Variants in CPEB3 observed in about 807,000 individuals in gnomAD.
CPEB3 encodes the protein cytoplasmic polyadenylation element-binding protein 3.
A neutral mutation model predicts 67.2 loss-of-function variants in CPEB3; 20 were observed. The observed-to-expected ratio is 0.30, with a 90% CI of 0.21 to 0.43. CPEB3 has a LOEUF of 0.43. CPEB3 is among the 20% of genes least tolerant of loss of function. CPEB3 has a pLI of 1.00. For synonymous variants in CPEB3, 376 were observed against 393.1 expected (o/e 0.96, Z 0.51); for missense variants, 746 against 968.6 (o/e 0.77, Z 3.05).
At chr10:92,253,317 A>T (rs1478734836) in intron 1 of CPEB3, among the ~76,000 whole-genome samples, 1 of 151,836 alleles carries the variant, frequency 6.6e-6, no homozygotes, top group Non-Finnish European at 1.5e-5. Context: ...AAAATTAGCC[A>T]GGTGTGGTGG....
chr10:92,130,906 C>A (rs1457494873), intron 6 of CPEB3, among the ~76,000 whole-genome samples: 1 of 152,092 alleles, frequency 6.6e-6, no homozygotes. Context: ...ACAAACTTTA[C>A]CTAATGGCCA....
At position 92,052,076 on chromosome 10, in the gene CPEB3, T is replaced by A. The variant is rs1220028593; in HGVS notation, c.*136A>T. The A allele has an allele frequency of 1.7e-6, 1 of 603,950 alleles. No individual in the cohort carries two copies. Among genetic ancestry groups the A allele is most frequent in the Non-Finnish European group, 2.9e-6 (1 of 339,388 alleles). 37.4% of individuals were successfully genotyped at this position (603,950 alleles called of 1,614,324 possible). The stretch of plus-strand genomic sequence containing the variant: ...TGACTGTAAATAATAATAATAATAA[T>A]AAAAAGACCCAATTCTTCTTTAAAA... On this transcript the variant is annotated 3_prime_UTR_variant, in exon 10 of 10. Coordinates refer to ENST00000265997, the MANE Select transcript of CPEB3 (RefSeq NM_014912.5).
At chr10:92,231,823 G>A (rs910566957) in intron 2 of CPEB3, among the ~76,000 whole-genome samples, 10 of 151,586 alleles carry the variant, frequency 6.6e-5, no homozygotes, top group Admixed American at 5.9e-4. Flanking sequence ...GGGTTCAAGT[G>A]ATTCTCCTGC....
In CPEB3 at chr10:92,047,457, A is replaced by AT. The variant is rs1463487342; in HGVS notation, c.*4754dup. 1.4e-4 allele frequency: 22 copies of AT among 152,354 alleles called. 1 individual carries two copies. The highest frequency in any genetic ancestry group is 1.4e-3 in the Admixed American group (22 of 15,302). 9.4% of individuals were successfully genotyped at this position (152,354 alleles called of 1,614,324 possible). A position where few individuals can be genotyped will look rare whatever the true frequency, so the allele number is the denominator to read the frequency against. On this transcript the variant is annotated 3_prime_UTR_variant, in exon 10 of 10. Transcript: ENST00000265997. ...TAGGAGCTTTACCCAGTTAAATGCC[A>AT]TTTTTGTTGCTAATATAATAGATAA...
intron 1 of CPEB3, 111 bp downstream of exon 1, chr10:92,290,814 CG>C: frequency 6.6e-6 from 1 of 152,520 alleles, no homozygotes; most frequent in Non-Finnish European, 1.5e-5. Flanking sequence ...ACGCCACGGC[CG>C]GGGCCGGGGA....
intron 6 of CPEB3, among the ~76,000 whole-genome samples, chr10:92,132,819 C>G (rs1379998232): frequency 3.3e-5 from 5 of 152,208 alleles, no homozygotes; most frequent in Non-Finnish European, 5.9e-5. Flanking sequence ...TAAACTGTCT[C>G]TCAGACCACA....
intron 1 of CPEB3, among the ~76,000 whole-genome samples, chr10:92,258,672 A>C (rs1852648043): frequency 8.8e-6 from 1 of 113,436 alleles, no homozygotes; most frequent in Non-Finnish European, 1.8e-5. Flanking sequence ...ATATATATAT[A>C]TATATATTTC....
intron 6 of CPEB3, among the ~76,000 whole-genome samples, chr10:92,126,424 G>A (rs1249828620): frequency 1.3e-5 from 2 of 152,116 alleles, no homozygotes; most frequent in African/African-American, 2.4e-5. Flanking sequence ...CATCATCCAC[G>A]AGGCAGAATT....
Position 92,192,554 on chromosome 10 carries a change from G to A in CPEB3, c.1088C>T (p.Pro363Leu), listed in dbSNP as rs1490040645. Residue 363 changes from proline to leucine, a missense_variant, in exon 3 of 10, where the codon CCT becomes CTT. Pro to Leu is a moderately conservative substitution (Grantham distance 98). Around this residue, in one of 2 missense-constraint regions of CPEB3, gnomAD observed 643 missense variants for 717.5 expected, o/e 0.90. Coordinates refer to ENST00000265997, the MANE Select transcript of CPEB3 (RefSeq NM_014912.5). ...LMDMIRTDHE[P>L]LKGKHYPPSG... ...GGGAGGGTAGTGTTTACCTTTCAGAGGTTCATGATCAGTCCTTATCATATC... is the reference window on the plus strand; with the variant it reads ...GGGAGGGTAGTGTTTACCTTTCAGAAGTTCATGATCAGTCCTTATCATATC... 1 of 1,613,676 alleles carries A rather than the reference G, an allele frequency of 6.2e-7. No homozygotes were observed. Among genetic ancestry groups the A allele is most frequent in the Non-Finnish European group, 8.5e-7 (1 of 1,179,654 alleles).
rs1163974877 is a variant in CPEB3, at chr10:92,217,206, C to CAAAAAAAAAAAA, written c.1005+22128_1005+22139dup. 3.5e-4 allele frequency among the ~76,000 whole-genome samples: 9 copies of CAAAAAAAAAAAA among 25,452 alleles called. 1 individual carries two copies. The highest frequency in any genetic ancestry group is 1.5e-3 in the African/African-American group (8 of 5,422). The allele number at this position is 25,452 out of a possible 152,430, so 16.7% of individuals were successfully genotyped here. A position where few individuals can be genotyped will look rare whatever the true frequency, so the allele number is the denominator to read the frequency against. Reference sequence around the variant, plus strand: ...CTGGCGACACAGCGAGACTCTGCCTCAAAAAAAAAAAAAAAAAAAAAAAAA... The same window carrying CAAAAAAAAAAAA: ...CTGGCGACACAGCGAGACTCTGCCTCAAAAAAAAAAAAAAAAAAAAAAAAAAAAAAAAAAAAA... On this transcript the variant is annotated intron_variant, in intron 2 of 9. Coordinates refer to ENST00000265997, the MANE Select transcript of CPEB3 (RefSeq NM_014912.5).
chr10:92,067,947 T>G (rs1378673164), intron 9 of CPEB3, among the ~76,000 whole-genome samples: 1 of 152,222 alleles, frequency 6.6e-6, no homozygotes, highest in Admixed American at 6.5e-5. Flanking sequence ...AGGGTAGATT[T>G]TTAAAAATCA....
At chr10:92,288,257 C>T (rs556075269) in intron 1 of CPEB3, among the ~76,000 whole-genome samples, 30 of 151,974 alleles carry the variant, frequency 2.0e-4, no homozygotes, top group African/African-American at 5.8e-4. Flanking sequence ...CTCATGAGTT[C>T]GAAACCAGCC....
intron 9 of CPEB3, among the ~76,000 whole-genome samples, chr10:92,071,777 G>C (rs1842764293): frequency 1.3e-5 from 2 of 151,208 alleles, no homozygotes; most frequent in South Asian, 2.1e-4. Flanking sequence ...ACACAGAGTA[G>C]ACAATACAAA....
At chr10:92,269,486 T>C (rs1480518888) in intron 1 of CPEB3, among the ~76,000 whole-genome samples, 1 of 152,200 alleles carries the variant, frequency 6.6e-6, no homozygotes, top group African/African-American at 2.4e-5. Flanking sequence ...AACACTTTTT[T>C]ATACATGTTG....
intron 9 of CPEB3, among the ~76,000 whole-genome samples, chr10:92,059,239 C>T (rs1842236343): frequency 1.4e-5 from 2 of 147,636 alleles, no homozygotes; most frequent in African/African-American, 5.0e-5. Flanking sequence ...GCAGGAGAAT[C>T]GCTTGAACCT....
chr10:92,178,363 TG>T (rs1416328852), intron 4 of CPEB3, among the ~76,000 whole-genome samples: 2 of 152,092 alleles, frequency 1.3e-5, no homozygotes, highest in East Asian at 3.9e-4. Context: ...TTCTCCACGT[TG>T]GCCAGGCTGG....
At chr10:92,097,169 T>C (rs1843918603) in intron 7 of CPEB3, among the ~76,000 whole-genome samples, 1 of 139,760 alleles carries the variant, frequency 7.2e-6, no homozygotes, top group Non-Finnish European at 1.7e-5. Flanking sequence ...GCCTAAGTAT[T>C]GTCAGACTTT....
chr10:92,230,034 G>A (rs189991618), intron 2 of CPEB3, among the ~76,000 whole-genome samples: 3 of 150,660 alleles, frequency 2.0e-5, no homozygotes, highest in Non-Finnish European at 4.4e-5. Flanking sequence ...CAACGAGAGC[G>A]AAACTCCGTC....
At position 92,048,431 on chromosome 10, in the gene CPEB3, GA is replaced by G; in HGVS notation, c.*3780del. 1 of 146,132 alleles carries G rather than the reference GA, an allele frequency of 6.8e-6. No individual in the cohort carries two copies. The highest frequency in any genetic ancestry group is 1.5e-5 in the Non-Finnish European group (1 of 67,550). 9.1% of individuals were successfully genotyped at this position (146,132 alleles called of 1,614,324 possible). ...CACGACATAATGACGAGTTAGAGGG[GA>G]AAAAGCAATGAAACATTCTGTTGAC... On this transcript the variant is annotated 3_prime_UTR_variant, in exon 10 of 10. Transcript: ENST00000265997. This position sits in a 1 kb window ranked among gnomAD's most constrained non-coding sequence, Gnocchi z 4.1.
Sources: allele counts gnomAD v4.1 joint callset (sites outside exome capture counted in the v4.1 genomes callset), GRCh38; gene constraint gnomAD v4.1.1; regional missense constraint gnomAD v4.1.1; non-coding constraint Gnocchi (gnomAD v3.1); transcripts MANE v1.5; gene names NCBI Gene and HGNC (gene_info 2026-07-23, HGNC 2026-07-21).